TASP1: variants seen among roughly 807,000 people sequenced by gnomAD.
The protein encoded by TASP1 is taspase 1, also known as threonine aspartase 1.
In TASP1, 16 loss-of-function variants were observed where a neutral mutation model predicts 56.6. That is an observed-to-expected ratio of 0.28 (90% CI 0.19 to 0.43). The LOEUF is 0.43. Among genes scored for constraint, TASP1 ranks in the 20% least tolerant of loss-of-function variants. The pLI is 1.00. For missense variants in TASP1, 393 were observed against 511.6 expected, an observed-to-expected ratio of 0.77 and a Z score of 2.24; for synonymous variants, 179 against 184.2, an observed-to-expected ratio of 0.97 and a Z score of 0.23.
chr20:13,421,525 C>T (rs965757822), intron 12 of TASP1, among the ~76,000 whole-genome samples: 1 of 151,834 alleles, frequency 6.6e-6, no homozygotes, highest in Non-Finnish European at 1.5e-5. Context: ...AGACAAATAT[C>T]CAAAGAAAAT....
chr20:13,253,383 C>T, the TASP1 span, among the ~76,000 whole-genome samples: 3 of 152,194 alleles, frequency 2.0e-5, no homozygotes, highest in South Asian at 6.2e-4. Context: ...GGATGGGAGG[C>T]CTTGGAGCTC....
At chr20:13,411,736 G>A (rs999266557) in intron 13 of TASP1, among the ~76,000 whole-genome samples, 3 of 152,152 alleles carry the variant, frequency 2.0e-5, no homozygotes, top group Admixed American at 1.3e-4. Flanking sequence ...TTCTAACCAC[G>A]GGAGACTTCT....
chr20:13,115,895 G>A, the TASP1 span, among the ~76,000 whole-genome samples: 6 of 152,258 alleles, frequency 3.9e-5, no homozygotes, highest in East Asian at 5.8e-4. Flanking sequence ...AGAACATCAC[G>A]CAAATTGCCC....
chr20:13,383,323 G>A, the TASP1 span, among the ~76,000 whole-genome samples: 5 of 152,132 alleles, frequency 3.3e-5, no homozygotes, highest in Admixed American at 2.6e-4. Context: ...CAGTGGAGGT[G>A]GTAAGGAGCA....
chr20:13,300,978 C>T, the TASP1 span, among the ~76,000 whole-genome samples: 1 of 152,202 alleles, frequency 6.6e-6, no homozygotes, highest in Non-Finnish European at 1.5e-5. Flanking sequence ...AGTAGAACTA[C>T]TCATCATGAA....
chr20:13,545,577 C>G (rs2045777653), intron 8 of TASP1, among the ~76,000 whole-genome samples: 1 of 152,168 alleles, frequency 6.6e-6, no homozygotes, highest in Non-Finnish European at 1.5e-5. Context: ...GACATTCCCC[C>G]ACCAGGAATT....
intron 1 of TASP1, among the ~76,000 whole-genome samples, chr20:13,635,431 A>G (rs953639516): frequency 7.4e-6 from 1 of 134,908 alleles, no homozygotes; most frequent in Admixed American, 8.2e-5. Context: ...TCTGTTGCCT[A>G]GGCTGGAGTG....
chr20:13,306,564 C>CAAAAAAAAAAAAAAAAAAAAA, the TASP1 span, among the ~76,000 whole-genome samples: 11 of 63,902 alleles, frequency 1.7e-4, no homozygotes, highest in East Asian at 5.3e-4. Context: ...GGAGAAAGGA[C>CAAAAAAAAAAAAAAAAAAAAA]AAAAAAAAAA....
chr20:13,461,369 C>T (rs2044045401), intron 11 of TASP1, among the ~76,000 whole-genome samples: 1 of 152,182 alleles, frequency 6.6e-6, no homozygotes, highest in African/African-American at 2.4e-5. Context: ...TAAAATGTAA[C>T]TTCCATAACA....
chr20:13,548,099 A>G (rs1031209621), intron 8 of TASP1, among the ~76,000 whole-genome samples: 2 of 152,122 alleles, frequency 1.3e-5, no homozygotes, highest in African/African-American at 4.8e-5. Flanking sequence ...GAGATGGCAA[A>G]AGATTGGAAA....
chr20:13,593,626 C>A (rs1342344097), intron 4 of TASP1, among the ~76,000 whole-genome samples: 1 of 152,180 alleles, frequency 6.6e-6, no homozygotes, highest in African/African-American at 2.4e-5. Context: ...GATCAACCTG[C>A]GAGGCTGCAG....
intron 11 of TASP1, among the ~76,000 whole-genome samples, chr20:13,477,377 G>C (rs2042983028): frequency 6.6e-6 from 1 of 151,850 alleles, no homozygotes; most frequent in Non-Finnish European, 1.5e-5. Flanking sequence ...AAGACTAGTA[G>C]CTTAGTTCAG....
At chr20:13,326,343 C>T in the TASP1 span, among the ~76,000 whole-genome samples, 3 of 152,116 alleles carry the variant, frequency 2.0e-5, no homozygotes, top group East Asian at 1.9e-4. Flanking sequence ...GGAGTGGGAC[C>T]GTTGGGTCAT....
the TASP1 span, among the ~76,000 whole-genome samples, chr20:13,323,958 A>G: frequency 6.6e-6 from 1 of 152,174 alleles, no homozygotes; most frequent in Non-Finnish European, 1.5e-5. Context: ...CTGAGTTTCT[A>G]TTTAGTTAGC....
At chr20:13,583,819 C>T (rs898827210) in intron 5 of TASP1, among the ~76,000 whole-genome samples, 1 of 152,166 alleles carries the variant, frequency 6.6e-6, no homozygotes, top group Non-Finnish European at 1.5e-5. Context: ...CGGTGGCTCA[C>T]GCCTGTAATC....
the TASP1 span, among the ~76,000 whole-genome samples, chr20:13,139,104 T>TCTC: frequency 6.6e-6 from 1 of 152,156 alleles, no homozygotes; most frequent in Non-Finnish European, 1.5e-5. Flanking sequence ...CCTCCCTCCT[T>TCTC]CTCCTCCTCC....
At chr20:13,425,209 G>A (rs1051323510) in intron 12 of TASP1, among the ~76,000 whole-genome samples, 1 of 152,094 alleles carries the variant, frequency 6.6e-6, no homozygotes, top group African/African-American at 2.4e-5. Context: ...CCCAATGCAA[G>A]GCTTTGCCTC....
chr20:13,620,265 TACACAC>T (rs757563847), intron 4 of TASP1, among the ~76,000 whole-genome samples: 5,420 of 145,756 alleles, frequency 0.037, 134 homozygotes, highest in Non-Finnish European at 0.053. Context: ...CTGTGGTATT[TACACAC>T]ACACACACAC....
chr20:13,543,588 G>A (rs933515366), intron 8 of TASP1, among the ~76,000 whole-genome samples: 3 of 152,068 alleles, frequency 2.0e-5, no homozygotes, highest in East Asian at 1.9e-4. Flanking sequence ...GTGACCCAGC[G>A]AGACTCCATC....
Sources: gnomAD v4.1 joint callset for allele counts (sites outside exome capture counted in the v4.1 genomes callset) on GRCh38, gnomAD v4.1.1 for gene constraint, MANE v1.5 for transcripts, NCBI Gene and HGNC (gene_info 2026-07-23, HGNC 2026-07-21) for gene names.